TMPRSS9: variants seen among roughly 807,000 people sequenced by gnomAD.
TMPRSS9 encodes transmembrane serine protease 9.
TMPRSS9 carries 113 observed loss-of-function variants against 111.4 expected under a neutral mutation model. The observed-to-expected ratio is 1.01, with a 90% CI of 0.87 to 1.19. TMPRSS9 has a LOEUF of 1.19. Ranked by LOEUF, TMPRSS9 falls within the 50% of genes most tolerant of loss-of-function variation. The pLI is 0.00. For missense variants in TMPRSS9, 1,803 were observed against 1,513.1 expected (o/e 1.19, Z -3.18); for synonymous variants, 805 against 659.1 (o/e 1.22, Z -3.39).
chr19:2,377,281 GTATGTATGTATA>G lies in TMPRSS9; in HGVS notation c.-25-12468_-25-12457del, dbSNP rs1187044265. ...TGTATGTATGTATGTATGTATGTAT[GTATGTATGTATA>G]TATGTATGTATGTATGTATGTATTT... On this transcript the variant is annotated intron_variant, in intron 1 of 17. Coordinates refer to the TMPRSS9 transcript ENST00000649857. Among the ~76,000 whole-genome samples, 375 of 111,450 alleles carry G rather than the reference GTATGTATGTATA, an allele frequency of 3.4e-3. 3 individuals carry two copies. The highest frequency in any genetic ancestry group is 0.021 in the African/African-American group (337 of 16,382). The allele number at this position is 111,450 out of a possible 152,430, so 73.1% of individuals were successfully genotyped here. A position where few individuals can be genotyped will look rare whatever the true frequency, so the allele number is the denominator to read the frequency against.
chr19:2,374,568 G>A (rs139469055), intron 1 of TMPRSS9, among the ~76,000 whole-genome samples: 1 of 151,556 alleles, frequency 6.6e-6, no homozygotes, highest in Admixed American at 6.6e-5. Context: ...GCGAGACTCC[G>A]TCTCAAAAAA....
At chr19:2,424,210 G>GAACACCTCT in exon 15 of TMPRSS9, 1 of 1,443,832 alleles carries the variant, frequency 6.9e-7, no homozygotes, top group Non-Finnish European at 9.2e-7. Context: ...GCGGGGCCGT[G>GAACACCTCT]CTGGTGGCAG....
intron 6 of TMPRSS9, 35 bp downstream of exon 7, chr19:2,403,230 C>G (rs776212354): frequency 1.3e-6 from 2 of 1,528,532 alleles, no homozygotes; most frequent in Middle Eastern, 2.0e-4. Flanking sequence ...CTCTGGGCCC[C>G]TTCCCTTTTC....
chr19:2,393,898 CAAAAAAAAA>C (rs34160378), intron 1 of TMPRSS9, among the ~76,000 whole-genome samples: 3 of 63,580 alleles, frequency 4.7e-5, no homozygotes, highest in African/African-American at 7.2e-5. Flanking sequence ...ACCATGTCTC[CAAAAAAAAA>C]AAAAAAAAAA....
upstream of TMPRSS9, among the ~76,000 whole-genome samples, chr19:2,388,717 C>T (rs1026888418): frequency 3.3e-5 from 5 of 152,040 alleles, no homozygotes; most frequent in African/African-American, 4.8e-5. Flanking sequence ...ACCTCCTGGG[C>T]TCAAGTGATC....
At chr19:2,376,018 G>C (rs1970331259) in intron 1 of TMPRSS9, among the ~76,000 whole-genome samples, 1 of 152,138 alleles carries the variant, frequency 6.6e-6, no homozygotes, top group South Asian at 2.1e-4. Flanking sequence ...TCAGCATCGA[G>C]TAGCATTGTC....
chr19:2,425,296 G>A (rs62122267), intron 16 of TMPRSS9, 29 bp downstream of exon 17: 4 of 1,213,234 alleles, frequency 3.3e-6, no homozygotes, highest in Non-Finnish European at 3.1e-6. Flanking sequence ...GCGGTGGTGC[G>A]GGGCTCGGGG....
intron 1 of TMPRSS9, among the ~76,000 whole-genome samples, chr19:2,364,802 G>A (rs1019897817): frequency 1.5e-4 from 23 of 151,654 alleles, no homozygotes; most frequent in African/African-American, 4.1e-4. Flanking sequence ...TGGCTAACAC[G>A]CTGAAACCCC....
chr19:2,365,768 C>T (rs1970243858), intron 1 of TMPRSS9, among the ~76,000 whole-genome samples: 2 of 151,864 alleles, frequency 1.3e-5, no homozygotes, highest in African/African-American at 4.8e-5. Flanking sequence ...AAGTTGAGAC[C>T]AGCTGGGCAA....
chr19:2,397,565 T>G (rs980051589), intron 2 of TMPRSS9, among the ~76,000 whole-genome samples: 2 of 152,096 alleles, frequency 1.3e-5, no homozygotes. Flanking sequence ...AAAATAATGT[T>G]TTCCATTTTA....
At chr19:2,401,054 C>T (rs1158030176) in intron 4 of TMPRSS9, among the ~76,000 whole-genome samples, 1 of 150,120 alleles carries the variant, frequency 6.7e-6, no homozygotes, top group Non-Finnish European at 1.5e-5. Flanking sequence ...GTGGGCAGAT[C>T]ACAAGGTCAG....
intron 4 of TMPRSS9, 104 bp from the exon 6 acceptor site, chr19:2,401,871 G>A (rs980103093): frequency 1.2e-6 from 1 of 844,878 alleles, no homozygotes; most frequent in Admixed American, 2.6e-5. Context: ...GCCTCCCAAA[G>A]TGCTGGGATT....
exon 17 of TMPRSS9, chr19:2,425,402 G>C: frequency 6.4e-7 from 1 of 1,566,716 alleles, no homozygotes; most frequent in Non-Finnish European, 8.6e-7. Flanking sequence ...CGCCTCCTCA[G>C]CGAGCAGACC....
chr19:2,377,029 T>C (rs73919642), intron 1 of TMPRSS9, among the ~76,000 whole-genome samples: 15,660 of 151,410 alleles, frequency 0.1, 1,574 homozygotes, highest in African/African-American at 0.27. Flanking sequence ...GGTGGGCGGC[T>C]CCCTCACGCT....
At chr19:2,411,352 C>T (rs1971092215) in intron 9 of TMPRSS9, among the ~76,000 whole-genome samples, 2 of 142,994 alleles carry the variant, frequency 1.4e-5, no homozygotes, top group Admixed American at 7.1e-5. Context: ...CAGGGGTCAT[C>T]CAAAGCTGCT....
At chr19:2,408,288 G>A (rs957769669) in intron 7 of TMPRSS9, 68 bp from the exon 9 acceptor site, 12 of 1,525,596 alleles carry the variant, frequency 7.9e-6, no homozygotes, top group East Asian at 2.3e-5. Flanking sequence ...CCCAAGGCGA[G>A]TGTCCCGTCT....
intron 6 of TMPRSS9, among the ~76,000 whole-genome samples, 180 bp downstream of exon 7, chr19:2,403,375 G>T (rs1970896842): frequency 6.6e-6 from 1 of 152,142 alleles, no homozygotes; most frequent in Admixed American, 6.6e-5. Flanking sequence ...GCAAACAGCA[G>T]AGTAAAGGAA....
intron 7 of TMPRSS9, among the ~76,000 whole-genome samples, chr19:2,407,121 C>G (rs1970984612): frequency 6.6e-6 from 1 of 151,932 alleles, no homozygotes; most frequent in Non-Finnish European, 1.5e-5. Context: ...ATCTTGATGG[C>G]TGAGATTTTT....
chr19:2,377,860 G>A (rs914014985), intron 1 of TMPRSS9, among the ~76,000 whole-genome samples: 3 of 146,900 alleles, frequency 2.0e-5, no homozygotes, highest in African/African-American at 5.1e-5. Flanking sequence ...CTACAGATAT[G>A]TGCCACTATG....
Sources: allele counts gnomAD v4.1 joint callset (sites outside exome capture counted in the v4.1 genomes callset), GRCh38; gene constraint gnomAD v4.1.1; transcripts MANE v1.5; gene names NCBI Gene and HGNC (gene_info 2026-07-23, HGNC 2026-07-21).